Variants in COL5A2 observed in about 807,000 individuals in gnomAD.
The protein encoded by COL5A2 is collagen type V alpha 2 chain.
COL5A2 carries 23 observed loss-of-function variants against 208.2 expected under a neutral mutation model. The ratio of observed to expected loss-of-function variants is 0.11; its 90% CI spans 0.08 to 0.16. COL5A2 has a LOEUF of 0.16. COL5A2 is among the 10% of genes least tolerant of loss of function. COL5A2 has a pLI of 1.00. For missense variants in COL5A2, 1,590 were observed against 1,956.4 expected, an observed-to-expected ratio of 0.81 and a Z score of 3.53; for synonymous variants, 625 against 628.5, an observed-to-expected ratio of 0.99 and a Z score of 0.08.
At chr2:189,324,448 A>G in the COL5A2 span, among the ~76,000 whole-genome samples, 1 of 152,292 alleles carries the variant, frequency 6.6e-6, no homozygotes, top group African/African-American at 2.4e-5. Context: ...GAATCTACAA[A>G]GAACTCAAAC....
At chr2:189,369,831 A>T in the COL5A2 span, among the ~76,000 whole-genome samples, 1 of 152,284 alleles carries the variant, frequency 6.6e-6, no homozygotes, top group East Asian at 1.9e-4. Context: ...TAGTTTTCCG[A>T]TTGCATGATG....
chr2:189,412,501 A>G, the COL5A2 span, among the ~76,000 whole-genome samples: 1 of 152,250 alleles, frequency 6.6e-6, no homozygotes, highest in Admixed American at 6.5e-5. Context: ...TGGTTAGGCA[A>G]GCATAATGCA....
chr2:189,168,237 G>T (rs1379575880), intron 1 of COL5A2, among the ~76,000 whole-genome samples: 11 of 139,656 alleles, frequency 7.9e-5, no homozygotes, highest in Admixed American at 5.0e-4. Flanking sequence ...CTGTGCCCGG[G>T]TTTTTTTTTT....
At chr2:189,407,269 A>G in the COL5A2 span, among the ~76,000 whole-genome samples, 525 of 152,312 alleles carry the variant, frequency 3.4e-3, 25 homozygotes, top group East Asian at 0.076. Flanking sequence ...GAAGTACATG[A>G]TAAGAAGAAA....
the COL5A2 span, among the ~76,000 whole-genome samples, chr2:189,259,556 T>C: frequency 3.9e-5 from 6 of 152,148 alleles, no homozygotes; most frequent in South Asian, 2.1e-4. Flanking sequence ...TTGATTACAA[T>C]AACAAATTCG....
At chr2:189,260,368 G>C in the COL5A2 span, among the ~76,000 whole-genome samples, 973 of 152,306 alleles carry the variant, frequency 6.4e-3, 11 homozygotes, top group African/African-American at 0.022. Context: ...TATTTGGGTA[G>C]CCCAGTGACT....
At chr2:189,187,606 G>C (rs1003289153) in intron 1 of COL5A2, among the ~76,000 whole-genome samples, 10 of 152,270 alleles carry the variant, frequency 6.6e-5, no homozygotes, top group Admixed American at 2.0e-4. Context: ...TATTACATAA[G>C]TGCTGGTTAA....
At chr2:189,429,976 A>G in the COL5A2 span, among the ~76,000 whole-genome samples, 1 of 152,194 alleles carries the variant, frequency 6.6e-6, no homozygotes, top group Non-Finnish European at 1.5e-5. Context: ...TAAAAGGAAA[A>G]GGCTTTATTA....
chr2:189,233,204 A>G, the COL5A2 span, among the ~76,000 whole-genome samples: 2 of 151,720 alleles, frequency 1.3e-5, no homozygotes, highest in Non-Finnish European at 1.5e-5. Context: ...TCCTGTTGGC[A>G]TCTGTGTCTT....
At chr2:189,353,878 G>C in the COL5A2 span, among the ~76,000 whole-genome samples, 3 of 152,114 alleles carry the variant, frequency 2.0e-5, no homozygotes, top group African/African-American at 7.2e-5. Flanking sequence ...GTTTTCAAAG[G>C]GAATGCTTCC....
the COL5A2 span, among the ~76,000 whole-genome samples, chr2:189,425,288 T>C: frequency 1.3e-5 from 2 of 152,172 alleles, no homozygotes; most frequent in African/African-American, 4.8e-5. Context: ...GGAAACAATA[T>C]GGAGTTTCCT....
At chr2:189,278,687 T>C in the COL5A2 span, among the ~76,000 whole-genome samples, 1 of 152,096 alleles carries the variant, frequency 6.6e-6, no homozygotes, top group East Asian at 1.9e-4. Flanking sequence ...AATATTTTTA[T>C]TTCTTCTTTT....
chr2:189,164,780 G>A (rs1688434960), intron 1 of COL5A2, among the ~76,000 whole-genome samples: 1 of 152,128 alleles, frequency 6.6e-6, no homozygotes, highest in Admixed American at 6.6e-5. Context: ...TATTATCTCT[G>A]TTTTGTAAAT....
chr2:189,188,864 A>G (rs575752170), intron 1 of COL5A2, among the ~76,000 whole-genome samples: 6 of 152,340 alleles, frequency 3.9e-5, no homozygotes, highest in Admixed American at 2.6e-4. Context: ...AGAGGGCAGC[A>G]CAGGGCAGGG....
chr2:189,250,262 T>C, the COL5A2 span, among the ~76,000 whole-genome samples: 1 of 152,200 alleles, frequency 6.6e-6, no homozygotes, highest in East Asian at 1.9e-4. Context: ...GCACGGCAAA[T>C]TCATGAGGTT....
intron 1 of COL5A2, among the ~76,000 whole-genome samples, chr2:189,121,659 C>G (rs552041848): frequency 7.8e-6 from 1 of 128,918 alleles, no homozygotes; most frequent in Non-Finnish European, 1.6e-5. Flanking sequence ...ATGGCATGAA[C>G]CTGGGAGGCA....
chr2:189,426,626 C>G, the COL5A2 span, among the ~76,000 whole-genome samples: 206 of 152,342 alleles, frequency 1.4e-3, 1 homozygote, highest in African/African-American at 4.8e-3. Context: ...TGTCCTCAAC[C>G]TTGGCAAAAT....
rs780371555 is a variant in COL5A2, at chr2:189,063,932, T to C, written c.1770+48A>G. On this transcript the variant is annotated intron_variant, in intron 26 of 53. Transcript: ENST00000374866. ...AAATAAATATCATTTAAGTTGCATG[T>C]CTGTTGAAAAATATTAGTGGTTGTG... 7 of 1,425,516 alleles carry C rather than the reference T, an allele frequency of 4.9e-6. No homozygotes were observed. In the African/African-American group the frequency reaches 9.8e-5, roughly 20 times the overall value. 88.3% of individuals were successfully genotyped at this position (1,425,516 alleles called of 1,614,324 possible).
the COL5A2 span, among the ~76,000 whole-genome samples, chr2:189,358,543 C>T: frequency 6.6e-6 from 1 of 152,052 alleles, no homozygotes; most frequent in Non-Finnish European, 1.5e-5. Flanking sequence ...CTCATAGTTG[C>T]TTTGGCTATT....
Sources: allele counts gnomAD v4.1 joint callset (sites outside exome capture counted in the v4.1 genomes callset), GRCh38; gene constraint gnomAD v4.1.1; transcripts MANE v1.5; gene names NCBI Gene and HGNC (gene_info 2026-07-23, HGNC 2026-07-21).